CDKAL1: variants seen among roughly 807,000 people sequenced by gnomAD.
The protein encoded by CDKAL1 is CDKAL1 threonylcarbamoyladenosine tRNA methylthiotransferase.
In CDKAL1, 32 loss-of-function variants were observed where a neutral mutation model predicts 68.2. That is an observed-to-expected ratio of 0.47 (90% CI 0.35 to 0.63). The LOEUF is 0.63. CDKAL1 is among the 30% of genes least tolerant of loss of function. The pLI is 0.00. For missense variants in CDKAL1, 606 were observed against 696.7 expected (o/e 0.87, Z 1.47); for synonymous variants, 234 against 244.3 (o/e 0.96, Z 0.39).
intron 13 of CDKAL1, among the ~76,000 whole-genome samples, chr6:21,156,098 A>G (rs938185271): frequency 6.6e-6 from 1 of 152,152 alleles, no homozygotes; most frequent in African/African-American, 2.4e-5. Context: ...CTAATTTCAT[A>G]AAAATTATTA....
At chr6:20,679,845 A>T (rs1303546648) in intron 5 of CDKAL1, among the ~76,000 whole-genome samples, 6 of 152,090 alleles carry the variant, frequency 3.9e-5, no homozygotes, top group African/African-American at 1.2e-4. Context: ...GTTTATTAGG[A>T]TGTGTCTTGG....
chr6:20,607,065 TA>T (rs1283847044), intron 4 of CDKAL1, among the ~76,000 whole-genome samples: 1 of 152,242 alleles, frequency 6.6e-6, no homozygotes, highest in Non-Finnish European at 1.5e-5. Flanking sequence ...CTTTGACTGC[TA>T]GGCAAGTATT....
intron 10 of CDKAL1, among the ~76,000 whole-genome samples, chr6:20,995,953 T>A (rs150021697): frequency 1.5e-3 from 227 of 152,352 alleles, no homozygotes; most frequent in Non-Finnish European, 3.0e-3. Flanking sequence ...TCATCAGTGA[T>A]CTTAGCTAAG....
intron 9 of CDKAL1, among the ~76,000 whole-genome samples, chr6:20,942,527 C>T (rs1040950958): frequency 6.6e-6 from 1 of 150,966 alleles, no homozygotes; most frequent in Non-Finnish European, 1.5e-5. Context: ...GCCATCATGC[C>T]CAGCTAATTT....
At position 20,565,472 on chromosome 6, in the gene CDKAL1, A is replaced by G. The variant is rs1764426612; in HGVS notation, c.286+16767A>G. On this transcript the variant is annotated intron_variant, in intron 4 of 15. Coordinates refer to ENST00000274695, the MANE Select transcript of CDKAL1 (RefSeq NM_017774.3). The stretch of plus-strand genomic sequence containing the variant: ...TCTGAAATGACTGTCTCAGTTACTA[A>G]ATGTATATAGCTTGGGGGAAGTGAA... Among the ~76,000 whole-genome samples the G allele has an allele frequency of 2.6e-5, 4 of 152,206 alleles. No homozygotes were observed. The South Asian group carries it at 8.3e-4, about 32-fold the overall frequency.
rs755944361 is a variant in CDKAL1 at position 20,626,989 on chromosome 6, G to A, written c.287-22304G>A. 1.6e-4 allele frequency among the ~76,000 whole-genome samples: 24 copies of A among 152,184 alleles called. 1 individual carries two copies. The highest frequency in any genetic ancestry group is 4.1e-4 in the South Asian group (2 of 4,824). ...TCTACTGTAGACGGGGAAGGGAGAA[G>A]GAGTTTGGAAATACATTCTGGGTTT... On this transcript the variant is annotated intron_variant, in intron 4 of 15. Coordinates refer to ENST00000274695, the MANE Select transcript of CDKAL1 (RefSeq NM_017774.3).
chr6:20,765,425 G>GTTACTATTT lies in CDKAL1; in HGVS notation c.517+6782_517+6783insTTACTATTT, dbSNP rs1774656300. 1.3e-5 allele frequency among the ~76,000 whole-genome samples: 2 copies of GTTACTATTT among 148,926 alleles called. 1 individual carries two copies. The highest frequency in any genetic ancestry group is 1.3e-4 in the Admixed American group (2 of 14,890). Reference sequence around the variant, plus strand: ...CCCGCCTCGGCCTCCCAAAGTGCTGGGATTACAGGCGTGAGCCACCGCGCC... The same window carrying GTTACTATTT: ...CCCGCCTCGGCCTCCCAAAGTGCTGGTTACTATTTGATTACAGGCGTGAGCCACCGCGCC... On this transcript the variant is annotated intron_variant, in intron 7 of 15. Coordinates refer to ENST00000274695, the MANE Select transcript of CDKAL1 (RefSeq NM_017774.3).
chr6:20,951,957 C>CTTTTTTTTTTT (rs10558500), intron 9 of CDKAL1, among the ~76,000 whole-genome samples: 1 of 91,818 alleles, frequency 1.1e-5, no homozygotes, highest in Non-Finnish European at 2.2e-5. Context: ...TTTTCATTTT[C>CTTTTTTTTTTT]TTTTTTTTTT....
chr6:21,069,394 A>G (rs1408977488), intron 12 of CDKAL1, among the ~76,000 whole-genome samples: 1 of 152,154 alleles, frequency 6.6e-6, no homozygotes, highest in Non-Finnish European at 1.5e-5. Context: ...TTTTTTGTCT[A>G]TTGAAATAAT....
chr6:20,808,578 T>C (rs1016678123), intron 8 of CDKAL1, among the ~76,000 whole-genome samples: 1 of 151,998 alleles, frequency 6.6e-6, no homozygotes, highest in Non-Finnish European at 1.5e-5. Context: ...GGAATTTTGG[T>C]AGTGGGACAA....
chr6:20,749,105 T>G (rs539449754), intron 6 of CDKAL1, among the ~76,000 whole-genome samples: 2 of 152,102 alleles, frequency 1.3e-5, no homozygotes, highest in Non-Finnish European at 2.9e-5. Context: ...CATGCAGTCT[T>G]AATAAGAGTC....
chr6:20,782,143 G>A (rs961433719), intron 8 of CDKAL1, among the ~76,000 whole-genome samples: 8 of 152,094 alleles, frequency 5.3e-5, no homozygotes, highest in African/African-American at 1.2e-4. Context: ...GGACAGTGGC[G>A]GTTGTGTTGT....
chr6:20,793,300 A>C (rs1198339221), intron 8 of CDKAL1, among the ~76,000 whole-genome samples: 1 of 152,120 alleles, frequency 6.6e-6, no homozygotes, highest in Admixed American at 6.6e-5. Flanking sequence ...TTAATTCTCA[A>C]TTATATGCAA....
At chr6:20,649,457 C>T (rs1027030466) in intron 5 of CDKAL1, 80 bp downstream of exon 5, 1 of 754,558 alleles carries the variant, frequency 1.3e-6, no homozygotes, top group Admixed American at 2.7e-5. Flanking sequence ...TTAAAAATGT[C>T]AATATAGATA....
chr6:21,083,319 G>A (rs1772512998), intron 12 of CDKAL1, among the ~76,000 whole-genome samples: 1 of 152,250 alleles, frequency 6.6e-6, no homozygotes, highest in East Asian at 1.9e-4. Context: ...AGTCATGTTG[G>A]TGCTCAAAAG....
chr6:20,993,458 G>A lies in CDKAL1; in HGVS notation c.910-6769G>A, dbSNP rs575444158. On this transcript the variant is annotated intron_variant, in intron 10 of 15. Transcript: ENST00000274695. The stretch of plus-strand genomic sequence containing the variant: ...CTGTTTGATCGCTATTGGTGTGGAT[G>A]TAAACGCATCTCAATGCAAGTGTCA... 5 of 152,238 alleles carry A rather than the reference G, an allele frequency of 3.3e-5. No individual in the cohort carries two copies. The South Asian group carries it at 1.0e-3, about 32-fold the overall frequency. 9.4% of individuals were successfully genotyped at this position (152,238 alleles called of 1,614,324 possible).
chr6:21,102,426 C>T (rs1318551860), intron 12 of CDKAL1, among the ~76,000 whole-genome samples: 1 of 152,184 alleles, frequency 6.6e-6, no homozygotes, highest in Non-Finnish European at 1.5e-5. Flanking sequence ...TAGTTAACAC[C>T]TTCACTTACT....
intron 9 of CDKAL1, among the ~76,000 whole-genome samples, chr6:20,857,619 T>C (rs1046545485): frequency 2.6e-5 from 4 of 152,220 alleles, no homozygotes; most frequent in Non-Finnish European, 5.9e-5. Flanking sequence ...ATTTGCATTT[T>C]TCAAAACAAT....
intron 5 of CDKAL1, among the ~76,000 whole-genome samples, chr6:20,712,343 G>A (rs1026719151): frequency 2.0e-5 from 3 of 152,186 alleles, no homozygotes. Context: ...TCACCTAAGG[G>A]ATTAGTGGAA....
Sources: gnomAD v4.1 joint callset for allele counts (sites outside exome capture counted in the v4.1 genomes callset) on GRCh38, gnomAD v4.1.1 for gene constraint, MANE v1.5 for transcripts, NCBI Gene and HGNC (gene_info 2026-07-23, HGNC 2026-07-21) for gene names.